KCNQ1OT1: variants seen among roughly 807,000 people sequenced by gnomAD.
KCNQ1OT1 encodes KCNQ1 opposite strand/antisense transcript 1.
exon 1 of KCNQ1OT1, chr11:2,640,447 G>A: frequency 2.5e-6 from 1 of 398,454 alleles, no homozygotes; most frequent in East Asian, 3.6e-5. Context: ...CACCATGCCT[G>A]GATAACTTCT....
In KCNQ1OT1 at chr11:2,691,781, C is replaced by G. The variant is rs1248336269; in HGVS notation, n.8214G>C. 1 of 398,576 alleles carries G rather than the reference C, an allele frequency of 2.5e-6. No homozygotes were observed. The highest frequency in any genetic ancestry group is 3.6e-5 in the East Asian group (1 of 28,070). The allele number at this position is 398,576 out of a possible 1,614,324, so 24.7% of individuals were successfully genotyped here. Reference sequence around the variant, plus strand: ...GGCCATTTGCAGGCCAGTGGCCATCCACTGCCAGCAATCAGAGAATCACAA... The same window carrying G: ...GGCCATTTGCAGGCCAGTGGCCATCGACTGCCAGCAATCAGAGAATCACAA... On this transcript the variant is annotated non_coding_transcript_exon_variant, in exon 1 of 1. Transcript: ENST00000597346. The surrounding 1 kb of genome is among the most constrained non-coding windows in gnomAD (Gnocchi z 6.4).
Position 2,695,076 on chromosome 11 carries a change from C to T in KCNQ1OT1, n.4919G>A, listed in dbSNP as rs1850651750. On this transcript the variant is annotated non_coding_transcript_exon_variant, in exon 1 of 1. Transcript: ENST00000597346. This position sits in a 1 kb window ranked among gnomAD's most constrained non-coding sequence, Gnocchi z 5.2. ...ACCTGATGGAATTTGAATTTTATTTCCTAGAAATAGAAGCCACTAGAGGGT... is the reference window on the plus strand; with the variant it reads ...ACCTGATGGAATTTGAATTTTATTTTCTAGAAATAGAAGCCACTAGAGGGT... 2 of 398,508 alleles carry T rather than the reference C, an allele frequency of 5.0e-6. No homozygotes were observed. The highest frequency in any genetic ancestry group is 4.1e-5 in the African/African-American group (2 of 48,616). 24.7% of individuals were successfully genotyped at this position (398,508 alleles called of 1,614,324 possible). A position where few individuals can be genotyped will look rare whatever the true frequency, so the allele number is the denominator to read the frequency against.
exon 1 of KCNQ1OT1, chr11:2,631,275 T>G (rs1849348558): frequency 7.5e-6 from 3 of 398,552 alleles, no homozygotes; most frequent in Non-Finnish European, 1.3e-5. Context: ...TTGTTACCTT[T>G]TCATTCTTTA....
At chr11:2,692,689 C>T (rs1037904403) in exon 1 of KCNQ1OT1, 3 of 398,566 alleles carry the variant, frequency 7.5e-6, no homozygotes, top group Admixed American at 4.4e-5. Flanking sequence ...AGTCTTTCTC[C>T]CCTTTGTCCA....
chr11:2,667,413 A>G, exon 1 of KCNQ1OT1: 1 of 398,662 alleles, frequency 2.5e-6, no homozygotes, highest in East Asian at 3.6e-5. Context: ...AGCCCTCTCC[A>G]CTTGTGAACT....
chr11:2,612,620 C>T lies in KCNQ1OT1; in HGVS notation n.87375G>A. On this transcript the variant is annotated non_coding_transcript_exon_variant, in exon 1 of 1. Transcript: ENST00000597346. This position sits in a 1 kb window ranked among gnomAD's most constrained non-coding sequence, Gnocchi z 5.5. ...ATTTCTATCTCTATATTGATATTAT[C>T]TATTTGATGAGTCTTTGTCATCACA... 1 of 398,526 alleles carries T rather than the reference C, an allele frequency of 2.5e-6. No individual in the cohort carries two copies. The highest frequency in any genetic ancestry group is 4.4e-6 in the Non-Finnish European group (1 of 226,048). The allele number at this position is 398,526 out of a possible 1,614,324, so 24.7% of individuals were successfully genotyped here. A position where few individuals can be genotyped will look rare whatever the true frequency, so the allele number is the denominator to read the frequency against.
exon 1 of KCNQ1OT1, chr11:2,618,755 T>C (rs4930141): frequency 0.2 from 78,911 of 398,360 alleles, 8,903 homozygotes; most frequent in African/African-American, 0.36. Context: ...TTTTATTCAA[T>C]CTGTATATTG....
exon 1 of KCNQ1OT1, chr11:2,618,622 G>A (rs2133800728): frequency 2.5e-6 from 1 of 398,546 alleles, no homozygotes; most frequent in East Asian, 3.6e-5. Context: ...AAACCAGAAA[G>A]TATGAAGTCT....
exon 1 of KCNQ1OT1, chr11:2,646,396 T>A: frequency 2.5e-6 from 1 of 398,636 alleles, no homozygotes; most frequent in East Asian, 3.6e-5. Context: ...TATTTTATAG[T>A]TTTCATTGTG....
At position 2,650,806 on chromosome 11, in the gene KCNQ1OT1, A is replaced by G. The variant is rs1251021079; in HGVS notation, n.49189T>C. 1.3e-5 allele frequency: 5 copies of G among 398,634 alleles called. No individual in the cohort carries two copies. The East Asian group carries it at 1.8e-4, about 14-fold the overall frequency. The allele number at this position is 398,634 out of a possible 1,614,324, so 24.7% of individuals were successfully genotyped here. A position where few individuals can be genotyped will look rare whatever the true frequency, so the allele number is the denominator to read the frequency against. ...CCTAATACTGCTAACAGCATGGGTC[A>G]TGTGGTTTTATTTGCACTTACTGAT... On this transcript the variant is annotated non_coding_transcript_exon_variant, in exon 1 of 1. Coordinates refer to ENST00000597346, the Ensembl canonical transcript of KCNQ1OT1.
At chr11:2,632,542 T>A (rs1347693700) in exon 1 of KCNQ1OT1, 1 of 398,254 alleles carries the variant, frequency 2.5e-6, no homozygotes, top group Non-Finnish European at 4.4e-6. Context: ...TTAGTCAACA[T>A]GTAATAATTG....
chr11:2,655,200 T>A (rs1469560289), exon 1 of KCNQ1OT1: 2 of 398,516 alleles, frequency 5.0e-6, no homozygotes, highest in Non-Finnish European at 8.8e-6. Flanking sequence ...GCAGCCAGCG[T>A]CCCCAGCTGG....
In KCNQ1OT1 at chr11:2,659,597, T is replaced by C. The variant is rs1849914378; in HGVS notation, n.40398A>G. On this transcript the variant is annotated non_coding_transcript_exon_variant, in exon 1 of 1. Transcript: ENST00000597346. The surrounding 1 kb of genome is among the most constrained non-coding windows in gnomAD (Gnocchi z 4.3). ...GTACAGGTTTTTGCGAACATAAAAA[T>C]TCAATTCACTTGGGTGGGAAAGGAA... 2.5e-6 allele frequency: 1 copy of C among 398,544 alleles called. No individual in the cohort carries two copies. The highest frequency in any genetic ancestry group is 4.4e-5 in the Admixed American group (1 of 22,734). 24.7% of individuals were successfully genotyped at this position (398,544 alleles called of 1,614,324 possible). A position where few individuals can be genotyped will look rare whatever the true frequency, so the allele number is the denominator to read the frequency against.
At chr11:2,688,496 C>G (rs1388772762) in exon 1 of KCNQ1OT1, 2 of 398,624 alleles carry the variant, frequency 5.0e-6, no homozygotes, top group Non-Finnish European at 8.8e-6. Context: ...GGTTGCCCTG[C>G]TCTGGGTGAT....
chr11:2,619,566 C>T (rs1017580266), exon 1 of KCNQ1OT1: 5 of 398,356 alleles, frequency 1.3e-5, no homozygotes, highest in African/African-American at 1.0e-4. Flanking sequence ...ATTTAGTCTG[C>T]CAATATTTTA....
exon 1 of KCNQ1OT1, chr11:2,614,737 C>T (rs1223207278): frequency 5.0e-6 from 2 of 398,206 alleles, no homozygotes; most frequent in Non-Finnish European, 8.9e-6. Context: ...GTCTATATGT[C>T]CATCCTTGTG....
chr11:2,652,462 C>T lies in KCNQ1OT1; in HGVS notation n.47533G>A. 2.5e-6 allele frequency: 1 copy of T among 398,588 alleles called. No individual in the cohort carries two copies. The highest frequency in any genetic ancestry group is 4.4e-6 in the Non-Finnish European group (1 of 226,060). 24.7% of individuals were successfully genotyped at this position (398,588 alleles called of 1,614,324 possible). ...CTTTTTTGTTTTCTCCATCCAAAGA[C>T]CTCCAGAAACTTTCCTCCCCACCTC... On this transcript the variant is annotated non_coding_transcript_exon_variant, in exon 1 of 1. Coordinates refer to ENST00000597346, the Ensembl canonical transcript of KCNQ1OT1. This position sits in a 1 kb window ranked among gnomAD's most constrained non-coding sequence, Gnocchi z 5.9.
Position 2,620,071 on chromosome 11 carries a change from C to T in KCNQ1OT1, n.79924G>A, listed in dbSNP as rs1346575040. The T allele has an allele frequency of 2.5e-6, 1 of 398,102 alleles. No individual in the cohort carries two copies. The highest frequency in any genetic ancestry group is 4.4e-5 in the Admixed American group (1 of 22,658). 24.7% of individuals were successfully genotyped at this position (398,102 alleles called of 1,614,324 possible). On this transcript the variant is annotated non_coding_transcript_exon_variant, in exon 1 of 1. Transcript: ENST00000597346. The surrounding 1 kb of genome is among the most constrained non-coding windows in gnomAD (Gnocchi z 4.5). ...CTGATCATCTTTATGTCCATGTTTA[C>T]TCAGTGTTTAGGTCCCACTTGCAAG...
In KCNQ1OT1 at chr11:2,657,933, T is replaced by C. The variant is rs922809559; in HGVS notation, n.42062A>G. 2.1e-4 allele frequency: 85 copies of C among 398,616 alleles called. 1 individual carries two copies. Among genetic ancestry groups the C allele is most frequent in the African/African-American group, 1.6e-3 (79 of 48,770 alleles). The allele number at this position is 398,616 out of a possible 1,614,324, so 24.7% of individuals were successfully genotyped here. ...ACATGACATCAACATGGTTTATCAC[T>C]GGTAATATTAACCTTGAGCCACTCG... On this transcript the variant is annotated non_coding_transcript_exon_variant, in exon 1 of 1. Coordinates refer to ENST00000597346, the Ensembl canonical transcript of KCNQ1OT1. The surrounding 1 kb of genome is among the most constrained non-coding windows in gnomAD (Gnocchi z 4.8).
Sources: gnomAD v4.1 joint callset for allele counts on GRCh38, gnomAD v4.1.1 for gene constraint, Gnocchi (gnomAD v3.1) non-coding constraint, MANE v1.5 for transcripts, NCBI Gene and HGNC (gene_info 2026-07-23, HGNC 2026-07-21) for gene names.